TMEM63C: variants seen among roughly 807,000 people sequenced by gnomAD.
TMEM63C encodes transmembrane protein 63C.
Under a neutral mutation model 99.2 loss-of-function variants are expected in TMEM63C, and 32 were observed. The ratio of observed to expected loss-of-function variants is 0.32; its 90% CI spans 0.24 to 0.43. The LOEUF (loss-of-function observed/expected upper bound fraction) is 0.43, where lower values mean the gene tolerates loss of function less well. Ranked by LOEUF, TMEM63C falls within the 20% of genes least tolerant of loss-of-function variation. TMEM63C has a pLI of 1.00. For missense variants in TMEM63C, 826 were observed against 1,053.0 expected (o/e 0.78, Z 2.98); for synonymous variants, 376 against 397.9 (o/e 0.94, Z 0.66).
In TMEM63C at chr14:77,239,415, G is replaced by A. The variant is rs1359263753; in HGVS notation, c.729G>A (p.Glu243=). ...GCACCCATGTTTGTGGCTGCAGCGA[G>A]GCCTATCCAGGCAGTGTCGTGACAA... ...DPELIIKHFH[E]AYPGSVVTRV... is the part of the protein sequence containing the mutation. The change falls in exon 11 of 24, where the codon GAG becomes GAA. Residue 243 remains glutamate (E), a synonymous_variant. Coordinates refer to ENST00000298351, the MANE Select transcript of TMEM63C (RefSeq NM_020431.4). The A allele has an allele frequency of 4.3e-6, 7 of 1,613,564 alleles. No homozygotes were observed. The highest frequency in any genetic ancestry group is 5.1e-6 in the Non-Finnish European group (6 of 1,179,830).
chr14:77,201,446 C>T (rs150366309), intron 1 of TMEM63C, among the ~76,000 whole-genome samples: 1 of 152,186 alleles, frequency 6.6e-6, no homozygotes, highest in Non-Finnish European at 1.5e-5. Flanking sequence ...ATCCTGAAAA[C>T]ACGAGGCTGC....
At position 77,256,608 on chromosome 14, in the gene TMEM63C, T is replaced by C. The variant is rs745733723; in HGVS notation, c.2303T>C (p.Met768Thr). ...CCAGCCAGGCACACCTATGGCACCA[T>C]GAACAACCAGCCGGAAGAGGGAGAA... The part of the protein sequence containing the change: ...SSPARHTYGT[M>T]NNQPEEGEEE... The change falls in exon 24 of 24, where the codon ATG becomes ACG. Residue 768 changes from methionine to threonine, a missense_variant. Transcript: ENST00000298351. The C allele has an allele frequency of 6.2e-7, 1 of 1,613,878 alleles. No individual in the cohort carries two copies. The highest frequency in any genetic ancestry group is 8.5e-7 in the Non-Finnish European group (1 of 1,179,854).
intron 8 of TMEM63C, among the ~76,000 whole-genome samples, chr14:77,235,427 AAGGT>A (rs1889020251): frequency 2.2e-5 from 1 of 45,228 alleles, no homozygotes; most frequent in Non-Finnish European, 4.2e-5. Context: ...ATGGGTGGGG[AAGGT>A]GTCCAGGGGG....
chr14:77,210,262 C>G (rs1754906170), intron 1 of TMEM63C, among the ~76,000 whole-genome samples: 1 of 152,078 alleles, frequency 6.6e-6, no homozygotes, highest in South Asian at 2.1e-4. Flanking sequence ...TAGGTGATTC[C>G]AGTGACCCCC....
chr14:77,194,557 T>TTTTCCTTCTTTCTG (rs1555346144), intron 1 of TMEM63C, among the ~76,000 whole-genome samples: 1 of 118,570 alleles, frequency 8.4e-6, no homozygotes. Flanking sequence ...TTCTTTCTCT[T>TTTTCCTTCTTTCTG]TCTTTCTTTC....
intron 1 of TMEM63C, chr14:77,212,246 T>A (rs567008377): frequency 6.6e-6 from 1 of 152,338 alleles, no homozygotes; most frequent in South Asian, 2.1e-4. Flanking sequence ...ATTATACCCA[T>A]TTTCCAGATA....
chr14:77,255,330 T>C (rs1889443114), intron 23 of TMEM63C, among the ~76,000 whole-genome samples: 1 of 152,224 alleles, frequency 6.6e-6, no homozygotes, highest in Non-Finnish European at 1.5e-5. Flanking sequence ...TTTCCATATA[T>C]ATAAATTTTT....
intron 1 of TMEM63C, among the ~76,000 whole-genome samples, chr14:77,194,925 T>G (rs1888190955): frequency 6.6e-6 from 1 of 151,970 alleles, no homozygotes; most frequent in African/African-American, 2.4e-5. Context: ...GGTTTGATTT[T>G]TTTCCCCCTA....
chr14:77,223,396 G>A (rs1024562135), intron 5 of TMEM63C, among the ~76,000 whole-genome samples: 10 of 152,142 alleles, frequency 6.6e-5, no homozygotes, highest in African/African-American at 2.4e-4. Context: ...GCCAGGTGGT[G>A]TGGGTGAAGA....
intron 5 of TMEM63C, among the ~76,000 whole-genome samples, chr14:77,221,717 A>C: frequency 6.9e-6 from 1 of 144,340 alleles, no homozygotes; most frequent in South Asian, 2.4e-4. Context: ...ACCTCCTCAA[A>C]TGTGAGCTCC....
At chr14:77,214,219 T>C (rs752957831) in intron 2 of TMEM63C, among the ~76,000 whole-genome samples, 3 of 152,160 alleles carry the variant, frequency 2.0e-5, no homozygotes, top group Non-Finnish European at 4.4e-5. Context: ...ATCCTAACAC[T>C]CCTCTTAAGA....
At chr14:77,209,775 G>A (rs911885841) in intron 1 of TMEM63C, among the ~76,000 whole-genome samples, 5 of 152,156 alleles carry the variant, frequency 3.3e-5, no homozygotes, top group Non-Finnish European at 7.4e-5. Flanking sequence ...GGTGGGGCAA[G>A]CAACTCTGAA....
At position 77,232,687 on chromosome 14, in the gene TMEM63C, T is replaced by C. The variant is rs183312081; in HGVS notation, c.494-765T>C. ...TGGGAGATCACATGCCACATACCTA[T>C]ACAGTGTTTGATATACATAGTAGGT... On this transcript the variant is annotated intron_variant, in intron 7 of 23. Transcript: ENST00000298351. Among the ~76,000 whole-genome samples the C allele has an allele frequency of 1.7e-3, 252 of 152,346 alleles. 1 individual carries two copies. Among genetic ancestry groups the C allele is most frequent in the African/African-American group, 5.8e-3 (240 of 41,574 alleles).
chr14:77,200,871 C>T (rs1210430802), intron 1 of TMEM63C, among the ~76,000 whole-genome samples: 2 of 152,142 alleles, frequency 1.3e-5, no homozygotes, highest in Admixed American at 1.3e-4. Context: ...ACAATAGTTC[C>T]CCTCTTGGTG....
chr14:77,238,678 T>C lies in TMEM63C; in HGVS notation c.652-16T>C. 6.2e-7 allele frequency: 1 copy of C among 1,609,344 alleles called. No homozygotes were observed. Among genetic ancestry groups the C allele is most frequent in the East Asian group, 2.2e-5 (1 of 44,850 alleles). On this transcript the variant is annotated splice_polypyrimidine_tract_variant and intron_variant, in intron 9 of 23. Coordinates refer to ENST00000298351, the MANE Select transcript of TMEM63C (RefSeq NM_020431.4). ...AAGCACAGTCTTCTTTCTCCATTTT[T>C]ATTTTTCCCACCCAGGTCACAAGGA...
chr14:77,222,639 G>C (rs10400728), intron 5 of TMEM63C, among the ~76,000 whole-genome samples: 3 of 151,890 alleles, frequency 2.0e-5, no homozygotes, highest in Non-Finnish European at 4.4e-5. Context: ...TGAGTCCACC[G>C]TTTAGCTTCT....
chr14:77,256,452 GA>G, intron 23 of TMEM63C, 73 bp from the exon 24 acceptor site: 1 of 1,462,220 alleles, frequency 6.8e-7, no homozygotes. Context: ...GGTGGGGCAT[GA>G]GGGGAGAGGG....
At chr14:77,206,530 A>G (rs2140100435) in intron 1 of TMEM63C, among the ~76,000 whole-genome samples, 1 of 152,306 alleles carries the variant, frequency 6.6e-6, no homozygotes, top group Middle Eastern at 3.4e-3. Flanking sequence ...CTGACAGGGG[A>G]GAGAGAGGAG....
rs919461725 is a variant in TMEM63C, at chr14:77,251,781, C to T, written c.2039-8C>T. Reference sequence around the variant, plus strand: ...CTCCTGCCCATGACTTTTTCTCCTCCTCGGCAGGTTCTCTCCACGCCATCA... The same window carrying T: ...CTCCTGCCCATGACTTTTTCTCCTCTTCGGCAGGTTCTCTCCACGCCATCA... On this transcript the variant is annotated splice_polypyrimidine_tract_variant and splice_region_variant and intron_variant, in intron 21 of 23. Coordinates refer to ENST00000298351, the MANE Select transcript of TMEM63C (RefSeq NM_020431.4). 3 of 1,610,834 alleles carry T rather than the reference C, an allele frequency of 1.9e-6. No homozygotes were observed. The highest frequency in any genetic ancestry group is 2.5e-6 in the Non-Finnish European group (3 of 1,177,002).
Sources: gnomAD v4.1 joint callset for allele counts (sites outside exome capture counted in the v4.1 genomes callset) on GRCh38, gnomAD v4.1.1 for gene constraint, MANE v1.5 for transcripts, NCBI Gene and HGNC (gene_info 2026-07-23, HGNC 2026-07-21) for gene names.